ANXA6: variants seen among roughly 807,000 people sequenced by gnomAD.
The protein encoded by ANXA6 is annexin A6, also known as 67 kDa calelectrin.
In ANXA6, 71 loss-of-function variants were observed where a neutral mutation model predicts 95.4. The ratio of observed to expected loss-of-function variants is 0.74; its 90% CI spans 0.61 to 0.91. The LOEUF (loss-of-function observed/expected upper bound fraction) is 0.91, where lower values mean the gene tolerates loss of function less well. Ranked by LOEUF, ANXA6 falls within the 40% of genes least tolerant of loss-of-function variation. The probability of loss-of-function intolerance (pLI) is 0.00; values close to 1 mark genes in which losing one functional copy is unlikely to be tolerated. For synonymous variants in ANXA6, 289 were observed against 315.9 expected (o/e 0.91, Z 0.90); for missense variants, 830 against 876.4 (o/e 0.95, Z 0.67).
intron 23 of ANXA6, among the ~76,000 whole-genome samples, chr5:151,107,332 G>C (rs570440083): frequency 1.1e-4 from 17 of 152,216 alleles, no homozygotes; most frequent in African/African-American, 4.1e-4. Flanking sequence ...CTTTACAAAG[G>C]AGGAAATTGA....
At chr5:151,126,914 G>A (rs943384785) in intron 13 of ANXA6, among the ~76,000 whole-genome samples, 3 of 152,018 alleles carry the variant, frequency 2.0e-5, no homozygotes, top group Non-Finnish European at 4.4e-5. Flanking sequence ...ATGGGGTTTC[G>A]CCATGTTGGC....
rs746872414 is a variant in ANXA6 at position 151,137,222 on chromosome 5, C to T, written c.409+9G>A. 6.2e-7 allele frequency: 1 copy of T among 1,612,752 alleles called. No homozygotes were observed. The highest frequency in any genetic ancestry group is 8.5e-7 in the Non-Finnish European group (1 of 1,179,080). ...GAAGATCCTAAGCGGCCCCTCCTGCCCATCTCACCATCTTTGTATGCTGCC... is the reference window on the plus strand; with the variant it reads ...GAAGATCCTAAGCGGCCCCTCCTGCTCATCTCACCATCTTTGTATGCTGCC... On this transcript the variant is annotated intron_variant, in intron 6 of 25. Coordinates refer to ENST00000354546, the MANE Select transcript of ANXA6 (RefSeq NM_001155.5).
intron 20 of ANXA6, among the ~76,000 whole-genome samples, chr5:151,113,574 C>G (rs879699133): frequency 6.6e-6 from 1 of 152,030 alleles, no homozygotes; most frequent in Non-Finnish European, 1.5e-5. Context: ...TTCTCACTTA[C>G]GCGGGTCAGA....
intron 6 of ANXA6, 33 bp from the exon 7 acceptor site, chr5:151,136,368 C>T (rs1188861049): frequency 1.9e-6 from 3 of 1,606,158 alleles, no homozygotes; most frequent in Non-Finnish European, 2.6e-6. Context: ...TAGTCTCATC[C>T]CCAGAGACCT....
Position 151,137,267 on chromosome 5 carries a change from C to T in ANXA6, c.373G>A (p.Glu125Lys), listed in dbSNP as rs1223960680. 10 of 1,613,658 alleles carry T rather than the reference C, an allele frequency of 6.2e-6. 1 individual carries two copies. Among genetic ancestry groups the T allele is most frequent in the South Asian group, 2.2e-5 (2 of 91,046 alleles). ...LIEILASRTN[E>K]QMHQLVAAYK... Reference sequence around the variant, plus strand: ...GCTGCCACCAGCTGGTGCATCTGCTCATTGGTCCGGGAAGCCAAGATCTCA... The same window carrying T: ...GCTGCCACCAGCTGGTGCATCTGCTTATTGGTCCGGGAAGCCAAGATCTCA... The change falls in exon 6 of 26, where the codon GAG becomes AAG. Residue 125 changes from glutamate (E) to lysine (K), a missense_variant. Coordinates refer to ENST00000354546, the MANE Select transcript of ANXA6 (RefSeq NM_001155.5).
chr5:151,111,136 G>A (rs1436099674), intron 20 of ANXA6, among the ~76,000 whole-genome samples: 1 of 152,198 alleles, frequency 6.6e-6, no homozygotes, highest in Non-Finnish European at 1.5e-5. Flanking sequence ...AGGAAAGACT[G>A]GCCAGCTGAG....
intron 17 of ANXA6, among the ~76,000 whole-genome samples, chr5:151,120,252 G>T (rs1344905082): frequency 6.6e-6 from 1 of 152,102 alleles, no homozygotes; most frequent in African/African-American, 2.4e-5. Context: ...GTCATGCAAA[G>T]ATCTGCACAC....
At chr5:151,126,909 G>T (rs1765339893) in intron 13 of ANXA6, among the ~76,000 whole-genome samples, 1 of 152,134 alleles carries the variant, frequency 6.6e-6, no homozygotes, top group African/African-American at 2.4e-5. Context: ...TAGAGATGGG[G>T]TTTCGCCATG....
chr5:151,108,533 T>G lies in ANXA6; in HGVS notation c.1702A>C (p.Lys568Gln), dbSNP rs761649475. Reference sequence around the variant, plus strand: ...TGCTCCACGTCATAGTTGGTCATCTTGATGAACTCCTGGAAGACTGGCCAC... The same window carrying G: ...TGCTCCACGTCATAGTTGGTCATCTGGATGAACTCCTGGAAGACTGGCCAC... ...HLRRVFQEFI[K>Q]MTNYDVEHTI... Residue 568 changes from lysine to glutamine, a missense_variant, in exon 23 of 26, where the codon AAG becomes CAG. Coordinates refer to ENST00000354546, the MANE Select transcript of ANXA6 (RefSeq NM_001155.5). 1.2e-6 allele frequency: 2 copies of G among 1,613,924 alleles called. No homozygotes were observed. Among genetic ancestry groups the G allele is most frequent in the South Asian group, 1.1e-5 (1 of 91,088 alleles).
rs145014562 is a variant in ANXA6 at position 151,118,564 on chromosome 5, G to A, written c.1439-727C>T. On this transcript the variant is annotated intron_variant, in intron 18 of 25. Coordinates refer to ENST00000354546, the MANE Select transcript of ANXA6 (RefSeq NM_001155.5). Reference sequence around the variant, plus strand: ...TCCTCCTGCCTCAGCCTCCTAAGTAGCTGGGGCTACAGGCGCATGCCACCA... The same window carrying A: ...TCCTCCTGCCTCAGCCTCCTAAGTAACTGGGGCTACAGGCGCATGCCACCA... Among the ~76,000 whole-genome samples the A allele has an allele frequency of 9.9e-3, 1,507 of 152,214 alleles. 13 individuals carry two copies. Among genetic ancestry groups the A allele is most frequent in the South Asian group, 0.025 (120 of 4,830 alleles).
chr5:151,127,055 G>A (rs945680907), intron 13 of ANXA6, among the ~76,000 whole-genome samples: 6 of 152,338 alleles, frequency 3.9e-5, no homozygotes, highest in African/African-American at 1.2e-4. Context: ...TGGCTGCAGA[G>A]TCCAAGCAGG....
chr5:151,149,769 C>T (rs1346823713), intron 1 of ANXA6, among the ~76,000 whole-genome samples: 1 of 151,916 alleles, frequency 6.6e-6, no homozygotes, highest in African/African-American at 2.4e-5. Flanking sequence ...TAGGCGTGAG[C>T]CACCAAGCCT....
At chr5:151,113,845 T>C (rs1764920370) in intron 20 of ANXA6, among the ~76,000 whole-genome samples, 1 of 152,224 alleles carries the variant, frequency 6.6e-6, no homozygotes, top group Non-Finnish European at 1.5e-5. Flanking sequence ...AGAGCAGCAT[T>C]AGTCATAATA....
At chr5:151,136,123 G>C (rs1765652003) in intron 7 of ANXA6, 133 bp downstream of exon 7, 1 of 741,740 alleles carries the variant, frequency 1.3e-6, no homozygotes, top group Non-Finnish European at 2.2e-6. Context: ...AAGAGAAAGA[G>C]GATTAGCCAA....
chr5:151,123,142 A>G, intron 15 of ANXA6, 131 bp from the exon 16 acceptor site: 1 of 727,054 alleles, frequency 1.4e-6, no homozygotes, highest in Non-Finnish European at 2.4e-6. Context: ...TGTGCTCCTG[A>G]GTCCCTGCAG....
At chr5:151,117,999 C>T (rs1204058077) in intron 18 of ANXA6, among the ~76,000 whole-genome samples, 162 bp from the exon 19 acceptor site, 1 of 152,206 alleles carries the variant, frequency 6.6e-6, no homozygotes, top group African/African-American at 2.4e-5. Context: ...AGCCATCCTC[C>T]TGCTGATTTT....
Position 151,138,744 on chromosome 5 carries a change from C to T in ANXA6, c.252G>A (p.Arg84=). The change falls in exon 5 of 26, where the codon CGG becomes CGA. Residue 84 remains arginine, a synonymous_variant. Coordinates refer to ENST00000354546, the MANE Select transcript of ANXA6 (RefSeq NM_001155.5). ...GTGGCCTCATCAGGCCCACAATCAACCGTTCAAACTTGCCCGTCAATTCAT... is the reference window on the plus strand; with the variant it reads ...GTGGCCTCATCAGGCCCACAATCAATCGTTCAAACTTGCCCGTCAATTCAT... The part of the protein sequence containing the change: ...LKYELTGKFE[R]LIVGLMRPPA... 4.3e-6 allele frequency: 7 copies of T among 1,613,970 alleles called. No homozygotes were observed. The highest frequency in any genetic ancestry group is 5.9e-6 in the Non-Finnish European group (7 of 1,179,886).
Position 151,132,582 on chromosome 5 carries a change from C to T in ANXA6, c.641-11G>A. 1 of 1,609,658 alleles carries T rather than the reference C, an allele frequency of 6.2e-7. No individual in the cohort carries two copies. Among genetic ancestry groups the T allele is most frequent in the Non-Finnish European group, 8.5e-7 (1 of 1,178,106 alleles). On this transcript the variant is annotated splice_polypyrimidine_tract_variant and intron_variant, in intron 9 of 25. Transcript: ENST00000354546. ...GATACTCATCGAACACTGCGTCAGA[C>T]AGAGAGACAGGGAGGTTTGAGAGTG...
At chr5:151,127,632 G>A (rs1257042055) in intron 13 of ANXA6, among the ~76,000 whole-genome samples, 1 of 152,070 alleles carries the variant, frequency 6.6e-6, no homozygotes, top group African/African-American at 2.4e-5. Flanking sequence ...TCTGGGCTAG[G>A]GCATCTCTGT....
Sources: allele counts gnomAD v4.1 joint callset (sites outside exome capture counted in the v4.1 genomes callset), GRCh38; gene constraint gnomAD v4.1.1; transcripts MANE v1.5; gene names NCBI Gene and HGNC (gene_info 2026-07-23, HGNC 2026-07-21).